RSPRY1: variants seen among roughly 807,000 people sequenced by gnomAD.
RSPRY1 encodes the protein ring finger and SPRY domain containing 1, also known as RING finger and SPRY domain-containing protein 1.
In RSPRY1, 23 loss-of-function variants were observed where a neutral mutation model predicts 73.1. The observed-to-expected ratio is 0.31, with a 90% CI of 0.23 to 0.45. The LOEUF (loss-of-function observed/expected upper bound fraction) is 0.45, where lower values mean the gene tolerates loss of function less well. Ranked by LOEUF, RSPRY1 falls within the 20% of genes least tolerant of loss-of-function variation. The probability of loss-of-function intolerance (pLI) is 1.00; values close to 1 mark genes in which losing one functional copy is unlikely to be tolerated. For synonymous variants in RSPRY1, 226 were observed against 251.4 expected (o/e 0.90, Z 0.95); for missense variants, 448 against 698.7 (o/e 0.64, Z 4.05).
intron 4 of RSPRY1, among the ~76,000 whole-genome samples, chr16:57,210,078 C>T (rs1344206503): frequency 7.2e-5 from 9 of 125,244 alleles, no homozygotes; most frequent in Non-Finnish European, 1.5e-4. Context: ...TTCCTTCTTT[C>T]CTTCCCTTTC....
intron 1 of RSPRY1, among the ~76,000 whole-genome samples, chr16:57,196,603 C>T (rs1394553695): frequency 6.6e-6 from 1 of 152,146 alleles, no homozygotes; most frequent in African/African-American, 2.4e-5. Context: ...CTAATGCCGT[C>T]TATGGGATGA....
chr16:57,229,433 A>G (rs1290357706), intron 11 of RSPRY1, among the ~76,000 whole-genome samples: 1 of 151,948 alleles, frequency 6.6e-6, no homozygotes, highest in East Asian at 1.9e-4. Flanking sequence ...TGGGCAACAT[A>G]ATGAGACCCC....
intron 13 of RSPRY1, among the ~76,000 whole-genome samples, chr16:57,232,195 C>A (rs1469988211): frequency 6.6e-6 from 1 of 152,162 alleles, no homozygotes; most frequent in Non-Finnish European, 1.5e-5. Context: ...CTGAAGATAT[C>A]TGTAACGTAA....
intron 1 of RSPRY1, among the ~76,000 whole-genome samples, chr16:57,200,655 C>CA (rs2074558801): frequency 8.1e-6 from 1 of 124,034 alleles, no homozygotes; most frequent in Non-Finnish European, 1.7e-5. Context: ...GCTGGCCGGG[C>CA]GGGGGGCTGA....
At chr16:57,195,066 C>T (rs1333177514) in intron 1 of RSPRY1, among the ~76,000 whole-genome samples, 1 of 151,968 alleles carries the variant, frequency 6.6e-6, no homozygotes, top group East Asian at 1.9e-4. Flanking sequence ...ATGTAAAAAT[C>T]TAATAAATAA....
chr16:57,202,632 A>G (rs1888142806), intron 1 of RSPRY1, among the ~76,000 whole-genome samples: 2 of 152,098 alleles, frequency 1.3e-5, no homozygotes, highest in East Asian at 1.9e-4. Context: ...ACTCCTACCT[A>G]TATACTTCAG....
chr16:57,222,416 C>CAA, intron 10 of RSPRY1, among the ~76,000 whole-genome samples: 1 of 152,230 alleles, frequency 6.6e-6, no homozygotes, highest in Admixed American at 6.5e-5. Flanking sequence ...TTTTAAAGGC[C>CAA]TATTTCAGCA....
At chr16:57,222,558 C>G (rs1275824336) in intron 10 of RSPRY1, among the ~76,000 whole-genome samples, 1 of 152,140 alleles carries the variant, frequency 6.6e-6, no homozygotes, top group African/African-American at 2.4e-5. Context: ...GAACTAGACC[C>G]CAGTCTGCCA....
chr16:57,195,953 T>C (rs552816470), intron 1 of RSPRY1, among the ~76,000 whole-genome samples: 132 of 137,284 alleles, frequency 9.6e-4, no homozygotes, highest in African/African-American at 3.4e-3. Context: ...ACCCAGGAGA[T>C]AGAGGTTGCA....
intron 1 of RSPRY1, among the ~76,000 whole-genome samples, chr16:57,200,309 C>A (rs1270395203): frequency 1.3e-5 from 2 of 151,592 alleles, no homozygotes; most frequent in Non-Finnish European, 2.9e-5. Context: ...CTACCTCTTT[C>A]TACACAGACA....
intron 1 of RSPRY1, among the ~76,000 whole-genome samples, chr16:57,193,756 G>A (rs771668073): frequency 6.6e-6 from 1 of 152,160 alleles, no homozygotes; most frequent in African/African-American, 2.4e-5. Context: ...AACTCAGCAC[G>A]TTACTGTGCT....
intron 1 of RSPRY1, among the ~76,000 whole-genome samples, chr16:57,200,947 CGGGGG>C (rs747010905): frequency 2.2e-4 from 4 of 18,428 alleles, no homozygotes; most frequent in African/African-American, 7.6e-4. Context: ...GGCGGCTGGC[CGGGGG>C]GGGGGGGGGC....
chr16:57,228,169 A>G (rs2075147926), intron 11 of RSPRY1, among the ~76,000 whole-genome samples: 1 of 150,752 alleles, frequency 6.6e-6, no homozygotes, highest in African/African-American at 2.4e-5. Flanking sequence ...GCTACTTGGG[A>G]GGCTGAGGCA....
chr16:57,237,532 T>C (rs2075317611), intron 14 of RSPRY1, among the ~76,000 whole-genome samples: 1 of 152,076 alleles, frequency 6.6e-6, no homozygotes, highest in Non-Finnish European at 1.5e-5. Flanking sequence ...GAGAAAGCAT[T>C]TGTTAAAATT....
intron 14 of RSPRY1, among the ~76,000 whole-genome samples, chr16:57,237,108 A>G (rs757356949): frequency 2.0e-5 from 3 of 152,046 alleles, no homozygotes; most frequent in Non-Finnish European, 4.4e-5. Flanking sequence ...TGGAGGTTGC[A>G]GTGAGCAGAG....
chr16:57,191,872 C>T (rs922064761), intron 1 of RSPRY1, among the ~76,000 whole-genome samples: 2 of 152,174 alleles, frequency 1.3e-5, no homozygotes, highest in Non-Finnish European at 2.9e-5. Flanking sequence ...GAACAAGAGG[C>T]CTCCTTCTAG....
chr16:57,223,156 C>T (rs1428977143), intron 10 of RSPRY1, among the ~76,000 whole-genome samples: 1 of 152,148 alleles, frequency 6.6e-6, no homozygotes, highest in African/African-American at 2.4e-5. Flanking sequence ...ATATTTAAAA[C>T]TTTGCTTTAA....
At chr16:57,219,655 T>C (rs1597906164) in intron 8 of RSPRY1, 1 of 152,240 alleles carries the variant, frequency 6.6e-6, no homozygotes, top group African/African-American at 2.4e-5. Flanking sequence ...TAAGAAACTT[T>C]TTAGCTTAAT....
At position 57,231,331 on chromosome 16, in the gene RSPRY1, G is replaced by C. The variant is rs367739488; in HGVS notation, c.1529+12G>C. 1.9e-6 allele frequency: 3 copies of C among 1,604,684 alleles called. No homozygotes were observed. Among genetic ancestry groups the C allele is most frequent in the East Asian group, 2.2e-5 (1 of 44,774 alleles). On this transcript the variant is annotated intron_variant, in intron 13 of 14. Transcript: ENST00000394420. The stretch of plus-strand genomic sequence containing the variant: ...ATCATTTTGCCAAGGTAAGGAATCT[G>C]CCCAGGCTATCTCCAGACTTTCACA...
Sources: gnomAD v4.1 joint callset for allele counts (sites outside exome capture counted in the v4.1 genomes callset) on GRCh38, gnomAD v4.1.1 for gene constraint, MANE v1.5 for transcripts, NCBI Gene and HGNC (gene_info 2026-07-23, HGNC 2026-07-21) for gene names.